PRKAA2: variants seen among roughly 807,000 people sequenced by gnomAD.
PRKAA2 encodes the protein 5'-AMP-activated protein kinase catalytic subunit alpha-2.
A neutral mutation model predicts 56.3 loss-of-function variants in PRKAA2; 40 were observed. The ratio of observed to expected loss-of-function variants is 0.71; its 90% CI spans 0.55 to 0.92. The LOEUF is 0.92. Among genes scored for constraint, PRKAA2 ranks in the 40% least tolerant of loss-of-function variants. The probability of loss-of-function intolerance (pLI) is 0.00; values close to 1 mark genes in which losing one functional copy is unlikely to be tolerated. For synonymous variants in PRKAA2, 214 were observed against 234.2 expected (o/e 0.91, Z 0.79); for missense variants, 542 against 686.9 (o/e 0.79, Z 2.36).
At chr1:56,690,347 T>C (rs3991779) in intron 2 of PRKAA2, among the ~76,000 whole-genome samples, 2,981 of 152,164 alleles carry the variant, frequency 0.02, 110 homozygotes, top group African/African-American at 0.068. Flanking sequence ...GTATTTTTAG[T>C]AGAGACGGGG....
chr1:56,707,272 C>T (rs371782953), intron 8 of PRKAA2, among the ~76,000 whole-genome samples: 3 of 152,164 alleles, frequency 2.0e-5, no homozygotes, highest in African/African-American at 7.2e-5. Flanking sequence ...TGACTGTGTG[C>T]AAGTCTTGTG....
intron 1 of PRKAA2, among the ~76,000 whole-genome samples, chr1:56,673,426 C>T (rs1644091566): frequency 6.6e-6 from 1 of 152,004 alleles, no homozygotes; most frequent in South Asian, 2.1e-4. Flanking sequence ...CTTCCATGTT[C>T]TCTAAAGAAA....
chr1:56,686,606 T>C (rs937334413), intron 2 of PRKAA2, among the ~76,000 whole-genome samples: 1 of 152,016 alleles, frequency 6.6e-6, no homozygotes, highest in African/African-American at 2.4e-5. Context: ...TGTCACATGG[T>C]GAGGGAGAGC....
chr1:56,707,646 G>A lies in PRKAA2; in HGVS notation c.1592G>A (p.Arg531His), dbSNP rs1644341259. ...AGCACATTGTCTTCAGTTTCACCTC[G>A]CCTGGGCAGTCACACCATGGATTTT... ...TGSTLSSVSPRLGSHTMDFFE... is the reference protein window; with the variant it reads ...TGSTLSSVSPHLGSHTMDFFE... Residue 531 changes from arginine (R) to histidine (H), a missense_variant, in exon 9 of 9, where the codon CGC becomes CAC. By Grantham distance (29) the Arg-to-His change is conservative. Coordinates refer to ENST00000371244, the MANE Select transcript of PRKAA2 (RefSeq NM_006252.4). 10 of 1,613,980 alleles carry A rather than the reference G, an allele frequency of 6.2e-6. No homozygotes were observed. Among genetic ancestry groups the A allele is most frequent in the East Asian group, 2.2e-5 (1 of 44,872 alleles).
chr1:56,651,170 A>C (rs1643893961), intron 1 of PRKAA2, among the ~76,000 whole-genome samples: 1 of 152,174 alleles, frequency 6.6e-6, no homozygotes, highest in East Asian at 1.9e-4. Flanking sequence ...TTTTTAAAAG[A>C]TTTAACTCCA....
In PRKAA2 at chr1:56,713,003, T is replaced by C. The variant is rs774343326; in HGVS notation, c.*5290T>C. 6.6e-6 allele frequency: 1 copy of C among 152,224 alleles called. No homozygotes were observed. The highest frequency in any genetic ancestry group is 2.4e-5 in the African/African-American group (1 of 41,464). 9.4% of individuals were successfully genotyped at this position (152,224 alleles called of 1,614,324 possible). A position where few individuals can be genotyped will look rare whatever the true frequency, so the allele number is the denominator to read the frequency against. Reference sequence around the variant, plus strand: ...ATATTACATGATATAACTATTTTCATAGAATATATTTCTAATTTACAAACA... The same window carrying C: ...ATATTACATGATATAACTATTTTCACAGAATATATTTCTAATTTACAAACA... On this transcript the variant is annotated 3_prime_UTR_variant, in exon 9 of 9. Transcript: ENST00000371244.
At chr1:56,673,004 C>G (rs2796541) in intron 1 of PRKAA2, among the ~76,000 whole-genome samples, 72,673 of 151,866 alleles carry the variant, frequency 0.48, 17,649 homozygotes, top group East Asian at 0.64. Context: ...AATATGAGGA[C>G]AGTGTAGAAA....
At chr1:56,698,325 T>C (rs1644272840) in intron 6 of PRKAA2, among the ~76,000 whole-genome samples, 1 of 152,236 alleles carries the variant, frequency 6.6e-6, no homozygotes, top group Admixed American at 6.5e-5. Context: ...GCTTAACTTA[T>C]GTTATTGCAT....
At chr1:56,693,947 C>A in intron 5 of PRKAA2, 95 bp downstream of exon 5, 2 of 823,536 alleles carry the variant, frequency 2.4e-6, no homozygotes, top group African/African-American at 1.7e-5. Flanking sequence ...AAGATTTTAA[C>A]ATGGTAGAAA....
intron 2 of PRKAA2, among the ~76,000 whole-genome samples, chr1:56,678,154 T>C (rs1644126807): frequency 6.6e-6 from 1 of 152,272 alleles, no homozygotes; most frequent in Admixed American, 6.5e-5. Context: ...TTTAAAACTT[T>C]TGGCTTCCAG....
Position 56,707,850 on chromosome 1 carries a change from T to G in PRKAA2, c.*137T>G. The G allele has an allele frequency of 1.3e-6, 1 of 782,144 alleles. No homozygotes were observed. Among genetic ancestry groups the G allele is most frequent in the South Asian group, 1.8e-5 (1 of 55,414 alleles). The allele number at this position is 782,144 out of a possible 1,614,324, so 48.5% of individuals were successfully genotyped here. ...TATTTCCAGGGGCACACAATGCTAT[T>G]GAAATTACTGAAAACAAAATATCTG... On this transcript the variant is annotated 3_prime_UTR_variant, in exon 9 of 9. Coordinates refer to ENST00000371244, the MANE Select transcript of PRKAA2 (RefSeq NM_006252.4).
At chr1:56,696,758 T>C (rs973190144) in intron 6 of PRKAA2, among the ~76,000 whole-genome samples, 12 of 152,192 alleles carry the variant, frequency 7.9e-5, no homozygotes, top group Admixed American at 4.6e-4. Context: ...GTCAGCTTAC[T>C]GTGAAGGCTT....
At chr1:56,669,018 C>G (rs542320350) in intron 1 of PRKAA2, among the ~76,000 whole-genome samples, 47 of 152,268 alleles carry the variant, frequency 3.1e-4, no homozygotes, top group Admixed American at 2.0e-3. Context: ...GAATGATCCT[C>G]AGGGATATCA....
In PRKAA2 at chr1:56,655,280, A is replaced by ATATATATATTTTTTTTTTTTTTT; in HGVS notation, c.94+9800_94+9801insATATATATTTTTTTTTTTTTTTT. 9.0e-4 allele frequency among the ~76,000 whole-genome samples: 84 copies of ATATATATATTTTTTTTTTTTTTT among 93,606 alleles called. 1 individual carries two copies. The highest frequency in any genetic ancestry group is 1.6e-3 in the South Asian group (3 of 1,890). 61.4% of individuals were successfully genotyped at this position (93,606 alleles called of 152,430 possible). A position where few individuals can be genotyped will look rare whatever the true frequency, so the allele number is the denominator to read the frequency against. On this transcript the variant is annotated intron_variant, in intron 1 of 8. Transcript: ENST00000371244. ...TGTATTTATATATCTATATATATATATTTTTTTTTTTTTTTTGTAGAGACA... is the reference window on the plus strand; with the variant it reads ...TGTATTTATATATCTATATATATATATATATATATTTTTTTTTTTTTTTTTTTTTTTTTTTTTTTGTAGAGACA...
At chr1:56,655,260 T>TTATATATATA (rs1553146913) in intron 1 of PRKAA2, among the ~76,000 whole-genome samples, 5 of 71,724 alleles carry the variant, frequency 7.0e-5, no homozygotes, top group African/African-American at 3.0e-4. Flanking sequence ...ATGTATGTAT[T>TTATATATATA]TATATATCTA....
At chr1:56,655,386 A>G (rs887864287) in intron 1 of PRKAA2, among the ~76,000 whole-genome samples, 59 of 142,004 alleles carry the variant, frequency 4.2e-4, no homozygotes, top group African/African-American at 1.5e-3. Flanking sequence ...GAATGCTGAG[A>G]TTATAGACAT....
intron 1 of PRKAA2, among the ~76,000 whole-genome samples, chr1:56,662,165 C>T (rs953550146): frequency 1.3e-5 from 2 of 151,886 alleles, no homozygotes; most frequent in Non-Finnish European, 2.9e-5. Flanking sequence ...AGTCATTTGT[C>T]GTTCAAAATA....
chr1:56,699,481 A>T (rs1001869906), intron 6 of PRKAA2, among the ~76,000 whole-genome samples: 1 of 152,210 alleles, frequency 6.6e-6, no homozygotes, highest in African/African-American at 2.4e-5. Flanking sequence ...GAAAATCAAA[A>T]GCTAGAAAGA....
At chr1:56,677,973 G>A (rs1260637341) in intron 2 of PRKAA2, among the ~76,000 whole-genome samples, 1 of 151,978 alleles carries the variant, frequency 6.6e-6, no homozygotes, top group Non-Finnish European at 1.5e-5. Flanking sequence ...ACTTATTTTT[G>A]ATGTCATATT....
Sources: allele counts gnomAD v4.1 joint callset (sites outside exome capture counted in the v4.1 genomes callset), GRCh38; gene constraint gnomAD v4.1.1; transcripts MANE v1.5; gene names NCBI Gene and HGNC (gene_info 2026-07-23, HGNC 2026-07-21).